The following ALMS1 variants were observed in gnomAD, a reference collection of about 807,000 sequenced individuals.
ALMS1 encodes ALMS1 centrosome and basal body associated protein.
In ALMS1, 271 loss-of-function variants were observed where a neutral mutation model predicts 352.2. That is an observed-to-expected ratio of 0.77 (90% confidence interval 0.70 to 0.85). ALMS1 has a LOEUF of 0.85. ALMS1 is among the 40% of genes least tolerant of loss of function. The pLI, the probability that ALMS1 is intolerant of heterozygous loss-of-function variation, is 0.00. For synonymous variants in ALMS1, 1,865 were observed against 1,761.2 expected (o/e 1.06, Z -1.48); for missense variants, 5,445 against 4,870.7 (o/e 1.12, Z -3.51).
At chr2:73,409,771 T>C (rs1414105825) in intron 2 of ALMS1, among the ~76,000 whole-genome samples, 1 of 152,168 alleles carries the variant, frequency 6.6e-6, no homozygotes, top group Non-Finnish European at 1.5e-5. Context: ...TTTATTGATA[T>C]TTATTATATA....
chr2:73,498,682 G>A (rs1673158861), intron 10 of ALMS1, among the ~76,000 whole-genome samples: 1 of 152,044 alleles, frequency 6.6e-6, no homozygotes, highest in Admixed American at 6.5e-5. Flanking sequence ...GTCTTTTTAT[G>A]CCTGGTTTAT....
At chr2:73,503,893 A>G (rs1673267026) in intron 10 of ALMS1, among the ~76,000 whole-genome samples, 2 of 151,960 alleles carry the variant, frequency 1.3e-5, no homozygotes, top group Admixed American at 6.6e-5. Flanking sequence ...CAAACAAGAT[A>G]CTCTTTTCCC....
At chr2:73,507,716 G>A (rs578063959) in intron 10 of ALMS1, among the ~76,000 whole-genome samples, 5 of 151,810 alleles carry the variant, frequency 3.3e-5, no homozygotes, top group South Asian at 4.2e-4. Context: ...TAATCTTTTC[G>A]AAAAACCAGC....
chr2:73,496,142 T>G (rs549330784), intron 10 of ALMS1, among the ~76,000 whole-genome samples: 2 of 152,242 alleles, frequency 1.3e-5, no homozygotes. Flanking sequence ...TCCGTACTTA[T>G]AAATTTCACT....
intron 10 of ALMS1, among the ~76,000 whole-genome samples, chr2:73,515,273 A>G (rs1012750611): frequency 8.6e-5 from 13 of 152,012 alleles, no homozygotes; most frequent in Admixed American, 1.3e-4. Flanking sequence ...AATAGATTGT[A>G]GTTTTCTGTT....
chr2:73,415,276 G>A (rs758017159), intron 2 of ALMS1, among the ~76,000 whole-genome samples: 1 of 152,064 alleles, frequency 6.6e-6, no homozygotes, highest in Non-Finnish European at 1.5e-5. Context: ...AGTTAAAAAA[G>A]GTTGAACAGA....
intron 19 of ALMS1, 84 bp from the exon 20 acceptor site, chr2:73,602,101 C>A: frequency 7.3e-7 from 1 of 1,375,358 alleles, no homozygotes; most frequent in Non-Finnish European, 1.0e-6. Context: ...ACCTCTTGGG[C>A]AGGTGGTGTG....
chr2:73,485,493 A>T (rs1303405978), intron 9 of ALMS1, among the ~76,000 whole-genome samples: 1 of 152,208 alleles, frequency 6.6e-6, no homozygotes, highest in African/African-American at 2.4e-5. Context: ...TCAGACAGGG[A>T]CATTTAAGTC....
At position 73,391,294 on chromosome 2, in the gene ALMS1, C is replaced by CTTTTTTTTTTTTTT. The variant is rs397972016; in HGVS notation, c.324+5106_324+5119dup. Among the ~76,000 whole-genome samples the CTTTTTTTTTTTTTT allele has an allele frequency of 3.0e-4, 34 of 114,918 alleles. 2 individuals carry two copies. The highest frequency in any genetic ancestry group is 7.4e-4 in the African/African-American group (18 of 24,450). 75.4% of individuals were successfully genotyped at this position (114,918 alleles called of 152,430 possible). Reference sequence around the variant, plus strand: ...TTAACCTATTCATATACGTTTTATTCTTTTTTTTTTTTTTTTTGAGACGGA... The same window carrying CTTTTTTTTTTTTTT: ...TTAACCTATTCATATACGTTTTATTCTTTTTTTTTTTTTTTTTTTTTTTTTTTTTTTGAGACGGA... On this transcript the variant is annotated intron_variant, in intron 1 of 22. Coordinates refer to ENST00000613296, the MANE Select transcript of ALMS1 (RefSeq NM_001378454.1).
rs183337682 is a variant in ALMS1 at position 73,487,621 on chromosome 2, T to G, written c.7675-2013T>G. Among the ~76,000 whole-genome samples the G allele has an allele frequency of 3.2e-3, 482 of 152,248 alleles. 1 individual carries two copies. The highest frequency in any genetic ancestry group is 0.011 in the African/African-American group (455 of 41,550). On this transcript the variant is annotated intron_variant, in intron 9 of 22. Coordinates refer to ENST00000613296, the MANE Select transcript of ALMS1 (RefSeq NM_001378454.1). ...GGGGAGGGGGCATGTTTCAGCCCTG[T>G]TTGTGTTACAGCTCTTTTAGTCCCA... is the stretch of plus-strand genomic sequence containing the variant.
chr2:73,567,094 A>G (rs1201181549), intron 15 of ALMS1, among the ~76,000 whole-genome samples: 1 of 152,176 alleles, frequency 6.6e-6, no homozygotes, highest in South Asian at 2.1e-4. Flanking sequence ...TACATAGGCA[A>G]TATTGATTAA....
At chr2:73,464,058 C>A (rs1427081854) in intron 9 of ALMS1, among the ~76,000 whole-genome samples, 1 of 152,130 alleles carries the variant, frequency 6.6e-6, no homozygotes, top group African/African-American at 2.4e-5. Flanking sequence ...CTATTCCAAT[C>A]AATAGAAAAA....
At chr2:73,479,416 G>T (rs577456784) in intron 9 of ALMS1, among the ~76,000 whole-genome samples, 1 of 152,162 alleles carries the variant, frequency 6.6e-6, no homozygotes, top group East Asian at 1.9e-4. Context: ...CCACTAATTT[G>T]TTCCTTTGTT....
intron 16 of ALMS1, among the ~76,000 whole-genome samples, chr2:73,574,398 A>G (rs1256128074): frequency 3.9e-5 from 6 of 152,172 alleles, no homozygotes; most frequent in Non-Finnish European, 8.8e-5. Context: ...TTGAATTTAT[A>G]TTCATTTTCC....
chr2:73,532,299 G>A (rs1032895199), intron 11 of ALMS1, among the ~76,000 whole-genome samples: 3 of 152,334 alleles, frequency 2.0e-5, no homozygotes, highest in African/African-American at 4.8e-5. Context: ...AGGTGGCAAA[G>A]CCAGGGAGTC....
At position 73,520,034 on chromosome 2, in the gene ALMS1, CA is replaced by C. The variant is rs751238172; in HGVS notation, c.9781+19del. ...CACAGATGGTAAGAGAATGTGATTG[CA>C]TTTTAGATTGTTAGACCAGCTCTTT... On this transcript the variant is annotated intron_variant, in intron 11 of 22. Transcript: ENST00000613296. 5.0e-5 allele frequency: 81 copies of C among 1,613,972 alleles called. No homozygotes were observed. The African/African-American group carries it at 1.0e-3, about 21-fold the overall frequency.
In ALMS1 at chr2:73,608,586, C is replaced by T. The variant is rs1553422680; in HGVS notation, c.12462+12C>T. The T allele has an allele frequency of 6.3e-7, 1 of 1,599,178 alleles. No homozygotes were observed. The highest frequency in any genetic ancestry group is 8.6e-7 in the Non-Finnish European group (1 of 1,166,492). On this transcript the variant is annotated intron_variant, in intron 22 of 22. Coordinates refer to ENST00000613296, the MANE Select transcript of ALMS1 (RefSeq NM_001378454.1). Reference sequence around the variant, plus strand: ...AGCTATATAAAAAGGTCAGTGGGTCCTCTGTCTAGAGTGGGATGGATCAGG... The same window carrying T: ...AGCTATATAAAAAGGTCAGTGGGTCTTCTGTCTAGAGTGGGATGGATCAGG...
intron 16 of ALMS1, among the ~76,000 whole-genome samples, chr2:73,580,274 C>G (rs760564587): frequency 1.3e-5 from 2 of 152,246 alleles, no homozygotes; most frequent in East Asian, 1.9e-4. Flanking sequence ...CCTCAGAGTA[C>G]GTAATTTCAT....
At chr2:73,510,593 C>T (rs1673428113) in intron 10 of ALMS1, among the ~76,000 whole-genome samples, 1 of 152,180 alleles carries the variant, frequency 6.6e-6, no homozygotes, top group South Asian at 2.1e-4. Context: ...GAAGTTTTGT[C>T]CCAGAGGGGC....
Sources: gnomAD v4.1 joint callset for allele counts (sites outside exome capture counted in the v4.1 genomes callset) on GRCh38, gnomAD v4.1.1 for gene constraint, MANE v1.5 for transcripts, NCBI Gene and HGNC (gene_info 2026-07-23, HGNC 2026-07-21) for gene names.